Variants in ITGB3 observed in about 807,000 individuals in gnomAD.
ITGB3 encodes integrin subunit beta 3.
In ITGB3, 48 loss-of-function variants were observed where a neutral mutation model predicts 85.8. The ratio of observed to expected loss-of-function variants is 0.56; its 90% CI spans 0.44 to 0.71. The LOEUF is 0.71. Among genes scored for constraint, ITGB3 ranks in the 30% least tolerant of loss-of-function variants. The pLI, the probability that ITGB3 is intolerant of heterozygous loss-of-function variation, is 0.00. For synonymous variants in ITGB3, 363 were observed against 395.6 expected (o/e 0.92, Z 0.98); for missense variants, 861 against 1,019.1 (o/e 0.84, Z 2.11).
chr17:47,267,093 A>G (rs2065028408), intron 1 of ITGB3, among the ~76,000 whole-genome samples: 1 of 152,102 alleles, frequency 6.6e-6, no homozygotes, highest in African/African-American at 2.4e-5. Context: ...CAACAATAAA[A>G]CCAATATAAA....
At chr17:47,307,668 T>C in intron 14 of ITGB3, 31 bp downstream of exon 14, 2 of 1,608,204 alleles carry the variant, frequency 1.2e-6, no homozygotes, top group Non-Finnish European at 1.7e-6. Context: ...TTTTCTAAAG[T>C]CATTGGTCTG....
chr17:47,254,860 C>T (rs1006555732), intron 1 of ITGB3, among the ~76,000 whole-genome samples: 6 of 152,286 alleles, frequency 3.9e-5, no homozygotes, highest in Admixed American at 3.9e-4. Context: ...GCTGGGGCCG[C>T]CTCTGCCTCA....
intron 1 of ITGB3, among the ~76,000 whole-genome samples, chr17:47,254,192 C>G (rs117414137): frequency 0.042 from 6,424 of 152,168 alleles, 217 homozygotes; most frequent in Admixed American, 0.097. Flanking sequence ...AGGCTGAGCG[C>G]CTTCCCGGCC....
intron 1 of ITGB3, among the ~76,000 whole-genome samples, chr17:47,254,606 CCGAAAAATCT>C (rs1337982219): frequency 6.6e-6 from 1 of 152,170 alleles, no homozygotes; most frequent in Non-Finnish European, 1.5e-5. Context: ...GACCCTGCAC[CCGAAAAATCT>C]CTAGTGTATT....
chr17:47,266,610 C>A (rs543698279), intron 1 of ITGB3, among the ~76,000 whole-genome samples: 1 of 152,262 alleles, frequency 6.6e-6, no homozygotes, highest in African/African-American at 2.4e-5. Context: ...CAGGGTCTCA[C>A]TTTGTTGCCC....
chr17:47,280,439 C>T (rs190434626), intron 2 of ITGB3, among the ~76,000 whole-genome samples: 1 of 152,296 alleles, frequency 6.6e-6, no homozygotes, highest in East Asian at 1.9e-4. Flanking sequence ...TCACTGCAAC[C>T]TCCGCCTCCC....
rs949939097 is a variant in ITGB3 at position 47,292,675 on chromosome 17, G to A, written c.1690+107G>A. Reference sequence around the variant, plus strand: ...CTGAGATGGGTCTTTGCAGGCAGAGGTGTAAGTCAGTGGTTCCTAATCTTT... The same window carrying A: ...CTGAGATGGGTCTTTGCAGGCAGAGATGTAAGTCAGTGGTTCCTAATCTTT... On this transcript the variant is annotated intron_variant, in intron 10 of 14. Coordinates refer to ENST00000559488, the MANE Select transcript of ITGB3 (RefSeq NM_000212.3). The A allele has an allele frequency of 1.1e-5, 12 of 1,108,678 alleles. No homozygotes were observed. In the Admixed American group the frequency reaches 1.4e-4, roughly 13 times the overall value. 68.7% of individuals were successfully genotyped at this position (1,108,678 alleles called of 1,614,324 possible).
Position 47,286,374 on chromosome 17 carries a change from T to C in ITGB3, c.729T>C (p.Asp243=). The part of the protein sequence containing the change: ...VKKQSVSRNR[D]APEGGFDAIM... ...AGCAGAGTGTGTCACGGAACCGAGA[T>C]GCCCCAGAGGGTGGCTTTGATGCCA... Residue 243 remains aspartate (D), a synonymous_variant, in exon 5 of 15, where the codon GAT becomes GAC. Transcript: ENST00000559488. The C allele has an allele frequency of 6.2e-7, 1 of 1,614,184 alleles. No individual in the cohort carries two copies. Among genetic ancestry groups the C allele is most frequent in the Non-Finnish European group, 8.5e-7 (1 of 1,180,030 alleles).
At chr17:47,278,215 TAAAA>T (rs1044176236) in intron 2 of ITGB3, among the ~76,000 whole-genome samples, 4 of 151,940 alleles carry the variant, frequency 2.6e-5, no homozygotes, top group African/African-American at 7.3e-5. Flanking sequence ...TGCTCTGGGG[TAAAA>T]AAAGTACTGG....
In ITGB3 at chr17:47,310,130, C is replaced by A. The variant is rs772120246; in HGVS notation, c.2302-9C>A. On this transcript the variant is annotated splice_polypyrimidine_tract_variant and intron_variant, in intron 14 of 14. Transcript: ENST00000559488. ...GTCACTGTAAGATGCTATTCTGTTT[C>A]CTCCACAGGCCAACAACCCACTGTA... is the stretch of plus-strand genomic sequence containing the variant. 1.2e-5 allele frequency: 19 copies of A among 1,613,080 alleles called. No individual in the cohort carries two copies. The highest frequency in any genetic ancestry group is 1.6e-5 in the Non-Finnish European group (19 of 1,179,250).
chr17:47,300,458 C>T lies in ITGB3; in HGVS notation c.1914-20C>T, dbSNP rs1457261014. ...GCTTGCTCCTTCTTTGCCTTAATCA[C>T]TGTGTCCTCTCTCCTTCAGAGAATG... On this transcript the variant is annotated intron_variant, in intron 11 of 14. Transcript: ENST00000559488. 11 of 1,591,892 alleles carry T rather than the reference C, an allele frequency of 6.9e-6. No individual in the cohort carries two copies. The highest frequency in any genetic ancestry group is 9.5e-6 in the Non-Finnish European group (11 of 1,159,776).
chr17:47,299,349 G>A lies in ITGB3; in HGVS notation c.1732G>A (p.Asp578Asn), dbSNP rs141912699. Residue 578 changes from aspartate to asparagine, a missense_variant, in exon 11 of 15, where the codon GAC becomes AAC. Physicochemically the swap from Asp to Asn is conservative, Grantham distance 23. Transcript: ENST00000559488. This position sits in a 1 kb window ranked among gnomAD's most constrained non-coding sequence, Gnocchi z 5.1. ...CTGTGGGGACTGCCTGTGTGACTCC[G>A]ACTGGACCGGCTACTACTGCAACTG... ...CSCGDCLCDS[D>N]WTGYYCNCTT... 33 of 1,614,024 alleles carry A rather than the reference G, an allele frequency of 2.0e-5. No individual in the cohort carries two copies. In the Middle Eastern group the frequency reaches 2.1e-3, roughly 105 times the overall value.
At chr17:47,273,059 G>A (rs576568145) in intron 1 of ITGB3, among the ~76,000 whole-genome samples, 5 of 152,268 alleles carry the variant, frequency 3.3e-5, no homozygotes, top group African/African-American at 1.2e-4. Flanking sequence ...ACAGGCATGA[G>A]CCACCACGCC....
intron 1 of ITGB3, among the ~76,000 whole-genome samples, chr17:47,269,886 A>G (rs2065038376): frequency 1.3e-5 from 2 of 152,222 alleles, no homozygotes. Flanking sequence ...AATACCAGGT[A>G]ATTTATAAAA....
Position 47,294,629 on chromosome 17 carries a change from CA to C in ITGB3, c.1690+2062del, listed in dbSNP as rs72242920. Among the ~76,000 whole-genome samples the C allele has an allele frequency of 3.1e-3, 467 of 152,326 alleles. 2 individuals carry two copies. The highest frequency in any genetic ancestry group is 0.011 in the African/African-American group (460 of 41,568). On this transcript the variant is annotated intron_variant, in intron 10 of 14. Coordinates refer to ENST00000559488, the MANE Select transcript of ITGB3 (RefSeq NM_000212.3). ...AGGGTGTCAGGTGCCCACCCAGCCT[CA>C]GGTCTAGACCCTGTGGTGCCATCAT...
At chr17:47,257,590 A>G (rs1006520402) in intron 1 of ITGB3, among the ~76,000 whole-genome samples, 4 of 152,206 alleles carry the variant, frequency 2.6e-5, no homozygotes, top group African/African-American at 7.2e-5. Flanking sequence ...AAGAAACCCA[A>G]TATTTGAATA....
chr17:47,306,247 A>C (rs1203772944), intron 13 of ITGB3, among the ~76,000 whole-genome samples: 1 of 152,080 alleles, frequency 6.6e-6, no homozygotes, highest in African/African-American at 2.4e-5. Context: ...GCTCTGCAGG[A>C]ATATAAGAAT....
At chr17:47,273,143 G>A (rs115533744) in intron 1 of ITGB3, among the ~76,000 whole-genome samples, 3,094 of 152,308 alleles carry the variant, frequency 0.02, 90 homozygotes, top group African/African-American at 0.071. Flanking sequence ...TTGTCCAGGT[G>A]TTGGGAAGGA....
intron 2 of ITGB3, among the ~76,000 whole-genome samples, chr17:47,282,432 T>C (rs766340950): frequency 2.6e-5 from 4 of 152,218 alleles, no homozygotes; most frequent in Non-Finnish European, 5.9e-5. Context: ...ACTTTTTGAC[T>C]CTATGATTTT....
Sources: gnomAD v4.1 joint callset for allele counts (sites outside exome capture counted in the v4.1 genomes callset) on GRCh38, gnomAD v4.1.1 for gene constraint, Gnocchi (gnomAD v3.1) non-coding constraint, MANE v1.5 for transcripts, NCBI Gene and HGNC (gene_info 2026-07-23, HGNC 2026-07-21) for gene names.